Variants in AXDND1 observed in about 807,000 individuals in gnomAD.
AXDND1 encodes axonemal dynein light chain domain-containing protein 1.
AXDND1 carries 110 observed loss-of-function variants against 137.5 expected under a neutral mutation model. That is an observed-to-expected ratio of 0.80 (90% CI 0.69 to 0.94). AXDND1 has a LOEUF of 0.94. Ranked by LOEUF, AXDND1 falls within the 40% of genes least tolerant of loss-of-function variation. AXDND1 has a pLI of 0.00. For synonymous variants in AXDND1, 414 were observed against 399.7 expected, an observed-to-expected ratio of 1.04 and a Z score of -0.43; for missense variants, 1,191 against 1,169.8, an observed-to-expected ratio of 1.02 and a Z score of -0.26.
At chr1:179,430,677 C>T in intron 14 of AXDND1, 71 bp downstream of exon 14, 1 of 1,475,408 alleles carries the variant, frequency 6.8e-7, no homozygotes, top group South Asian at 1.3e-5. Context: ...CTCTGTGTTC[C>T]TCCTTCTGTC....
At position 179,541,361 on chromosome 1, in the gene AXDND1, G is replaced by C. The variant is rs566248720; in HGVS notation, c.3031+6399G>C. ...CACACTGTCCAGCCAGTCCTAATGA[G>C]ATGAAGCAGGTACCTCAGTTGGAAA... On this transcript the variant is annotated intron_variant, in intron 25 of 25. Transcript: ENST00000367618. Among the ~76,000 whole-genome samples, 11 of 152,290 alleles carry C rather than the reference G, an allele frequency of 7.2e-5. 1 individual carries two copies. In the South Asian group the frequency reaches 2.3e-3, roughly 32 times the overall value.
At chr1:179,456,626 A>G in intron 16 of AXDND1, 1 of 837,532 alleles carries the variant, frequency 1.2e-6, no homozygotes, top group South Asian at 1.3e-5. Context: ...CCCCACTGCC[A>G]CCATATCCAT....
At chr1:179,485,707 G>A (rs936608772) in intron 18 of AXDND1, among the ~76,000 whole-genome samples, 1 of 150,744 alleles carries the variant, frequency 6.6e-6, no homozygotes, top group African/African-American at 2.4e-5. Flanking sequence ...GACAGAAATA[G>A]AATTCAGAAT....
rs1651815650 is a variant in AXDND1, at chr1:179,400,587, A to T, written c.1109+5385A>T. Among the ~76,000 whole-genome samples, 3 of 126,124 alleles carry T rather than the reference A, an allele frequency of 2.4e-5. No individual in the cohort carries two copies. In the Admixed American group the frequency reaches 2.7e-4, roughly 11 times the overall value. The allele number at this position is 126,124 out of a possible 152,430, so 82.7% of individuals were successfully genotyped here. On this transcript the variant is annotated intron_variant, in intron 11 of 25. Coordinates refer to ENST00000367618, the MANE Select transcript of AXDND1 (RefSeq NM_144696.6). ...ACTTATGGAAAAATAAAATTTAAAAATTAGGGAAGAAATAAAAAAAAAAAA... is the reference window on the plus strand; with the variant it reads ...ACTTATGGAAAAATAAAATTTAAAATTTAGGGAAGAAATAAAAAAAAAAAA...
intron 25 of AXDND1, among the ~76,000 whole-genome samples, chr1:179,539,672 G>A (rs1382674263): frequency 6.6e-6 from 1 of 152,056 alleles, no homozygotes; most frequent in African/African-American, 2.4e-5. Flanking sequence ...GTGTCTTGGG[G>A]TTGCTCTTCT....
Position 179,366,418 on chromosome 1 carries a change from C to A in AXDND1, c.-92C>A. 1 of 975,842 alleles carries A rather than the reference C, an allele frequency of 1.0e-6. No individual in the cohort carries two copies. Among genetic ancestry groups the A allele is most frequent in the East Asian group, 2.4e-5 (1 of 41,110 alleles). 60.4% of individuals were successfully genotyped at this position (975,842 alleles called of 1,614,324 possible). A position where few individuals can be genotyped will look rare whatever the true frequency, so the allele number is the denominator to read the frequency against. Reference sequence around the variant, plus strand: ...TCTGCCTGCAGGACTATGTGGCAGCCTGCAAGTCCCAGTGCGGCGCTGATT... The same window carrying A: ...TCTGCCTGCAGGACTATGTGGCAGCATGCAAGTCCCAGTGCGGCGCTGATT... On this transcript the variant is annotated 5_prime_UTR_variant, in exon 2 of 26. The change creates a new upstream start codon in the 5' untranslated region. Transcript: ENST00000367618.
At chr1:179,535,540 A>G (rs568065834) in intron 25 of AXDND1, among the ~76,000 whole-genome samples, 70 of 152,314 alleles carry the variant, frequency 4.6e-4, no homozygotes, top group Middle Eastern at 6.8e-3. Flanking sequence ...ATGTCCCTAC[A>G]AAGGACATGA....
intron 9 of AXDND1, among the ~76,000 whole-genome samples, chr1:179,389,383 A>G (rs2125118395): frequency 6.6e-6 from 1 of 152,270 alleles, no homozygotes. Context: ...TTACATTAGT[A>G]TTTTGCAGCC....
intron 12 of AXDND1, among the ~76,000 whole-genome samples, chr1:179,412,874 G>A (rs1410880910): frequency 6.6e-6 from 1 of 152,148 alleles, no homozygotes; most frequent in Non-Finnish European, 1.5e-5. Flanking sequence ...TTATGGGGAA[G>A]ACATTCTGCT....
chr1:179,517,286 C>T (rs1207672830), intron 21 of AXDND1, among the ~76,000 whole-genome samples: 1 of 152,206 alleles, frequency 6.6e-6, no homozygotes, highest in African/African-American at 2.4e-5. Flanking sequence ...AAGGGCTGGT[C>T]TTACTCCCAC....
Position 179,460,843 on chromosome 1 carries a change from T to C in AXDND1, c.1799-7600T>C, listed in dbSNP as rs373082574. 2.0e-4 allele frequency among the ~76,000 whole-genome samples: 30 copies of C among 152,356 alleles called. No homozygotes were observed. In the East Asian group the frequency reaches 5.6e-3, roughly 28 times the overall value. Reference sequence around the variant, plus strand: ...TTCATGTGTCTGTTGGCTGCATAAATGTATTCTTTTGACAAGTGTCTGTTC... The same window carrying C: ...TTCATGTGTCTGTTGGCTGCATAAACGTATTCTTTTGACAAGTGTCTGTTC... On this transcript the variant is annotated intron_variant, in intron 16 of 25. Transcript: ENST00000367618.
chr1:179,501,621 A>G (rs1668005256), intron 20 of AXDND1, among the ~76,000 whole-genome samples: 1 of 152,166 alleles, frequency 6.6e-6, no homozygotes, highest in African/African-American at 2.4e-5. Flanking sequence ...GTGAGGCAGG[A>G]GAATCGCTTG....
intron 16 of AXDND1, chr1:179,452,748 G>A (rs1660731330): frequency 6.9e-6 from 1 of 145,294 alleles, no homozygotes. Flanking sequence ...TTTCTGAGGA[G>A]AAAGTCAAGC....
chr1:179,368,672 A>G (rs1042259975), intron 2 of AXDND1, 128 bp from the exon 3 acceptor site: 85 of 739,034 alleles, frequency 1.2e-4, no homozygotes, highest in South Asian at 1.5e-4. Flanking sequence ...ATTTGTTACT[A>G]TCTTTGTCAA....
At chr1:179,419,604 G>A (rs1571748269) in intron 12 of AXDND1, among the ~76,000 whole-genome samples, 1 of 131,946 alleles carries the variant, frequency 7.6e-6, no homozygotes, top group South Asian at 2.9e-4. Flanking sequence ...GGAGACCGTG[G>A]AAAGAGAGGG....
chr1:179,428,851 T>C (rs6702404), intron 12 of AXDND1, among the ~76,000 whole-genome samples: 2,679 of 152,338 alleles, frequency 0.018, 64 homozygotes, highest in African/African-American at 0.059. Flanking sequence ...GGTTTGTTAA[T>C]GTTTAAGTGA....
chr1:179,421,086 T>G (rs1268850139), intron 12 of AXDND1, among the ~76,000 whole-genome samples: 4 of 136,288 alleles, frequency 2.9e-5, no homozygotes, highest in Non-Finnish European at 6.3e-5. Flanking sequence ...CCTTCCTTCC[T>G]TCCTTCCTTT....
At chr1:179,536,630 T>C (rs970238632) in intron 25 of AXDND1, among the ~76,000 whole-genome samples, 1 of 152,204 alleles carries the variant, frequency 6.6e-6, no homozygotes, top group Non-Finnish European at 1.5e-5. Flanking sequence ...TAGTATAGTT[T>C]GAAGTCAGGT....
intron 24 of AXDND1, 126 bp from the exon 25 acceptor site, chr1:179,534,604 G>T (rs367843694): frequency 1.2e-5 from 15 of 1,219,572 alleles, no homozygotes; most frequent in African/African-American, 1.1e-4. Flanking sequence ...TGATGCTGTT[G>T]CTTCCCTTAT....
Sources: allele counts gnomAD v4.1 joint callset (sites outside exome capture counted in the v4.1 genomes callset), GRCh38; gene constraint gnomAD v4.1.1; transcripts MANE v1.5; gene names NCBI Gene and HGNC (gene_info 2026-07-23, HGNC 2026-07-21).